Variants in SPATA24 observed in about 807,000 individuals in gnomAD.
The protein encoded by SPATA24 is spermatogenesis-associated protein 24.
Under a neutral mutation model 28.9 loss-of-function variants are expected in SPATA24, and 21 were observed. That is an observed-to-expected ratio of 0.73 (90% CI 0.52 to 1.05). The LOEUF (loss-of-function observed/expected upper bound fraction) is 1.05. Ranked by LOEUF, SPATA24 falls within the 50% of genes least tolerant of loss-of-function variation. The probability of loss-of-function intolerance (pLI) is 0.00; values close to 1 mark genes in which losing one functional copy is unlikely to be tolerated. For missense variants in SPATA24, 215 were observed against 242.9 expected (o/e 0.88, Z 0.76); for synonymous variants, 76 against 89.9 (o/e 0.85, Z 0.88).
downstream of SPATA24, chr5:139,393,784 G>A (rs1252505856): frequency 3.9e-6 from 6 of 1,551,308 alleles, no homozygotes; most frequent in Admixed American, 2.0e-5. Context: ...CTCGGAGGAG[G>A]CTTCAGGGAA....
downstream of SPATA24, chr5:139,392,716 G>A (rs866071471): frequency 5.0e-6 from 7 of 1,399,766 alleles, no homozygotes; most frequent in African/African-American, 9.2e-5. The surrounding 1 kb of genome is among the most constrained non-coding windows in gnomAD (Gnocchi z 5.8). Flanking sequence ...CCCTACGGGG[G>A]AGCGCTGGGA....
At chr5:139,396,101 C>G (rs765899489), downstream of SPATA24, 6 of 894,442 alleles carry the variant, frequency 6.7e-6, no homozygotes, top group Non-Finnish European at 8.0e-6. Context: ...GGAGCAAGAG[C>G]ACTGCCCCCT....
At chr5:139,394,598 C>T, downstream of SPATA24, 2 of 1,531,790 alleles carry the variant, frequency 1.3e-6, no homozygotes, top group South Asian at 1.2e-5. Context: ...GAGCCACCAT[C>T]GGGGACCTGG....
downstream of SPATA24, chr5:139,396,261 C>T (rs1758703514): frequency 1.0e-6 from 1 of 985,410 alleles, no homozygotes. Context: ...TCCATCCCAT[C>T]CAGCCCTGCC....
chr5:139,402,453 G>C (rs530287134), intron 2 of SPATA24, among the ~76,000 whole-genome samples, 175 bp downstream of exon 2: 1 of 151,784 alleles, frequency 6.6e-6, no homozygotes, highest in African/African-American at 2.4e-5. Context: ...ATGTTGGCCA[G>C]GCTGGTCTCG....
chr5:139,402,854 T>C lies in SPATA24; in HGVS notation c.118-161A>G, dbSNP rs1758855145. On this transcript the variant is annotated intron_variant, in intron 1 of 5. Coordinates refer to ENST00000450845, the MANE Select transcript of SPATA24 (RefSeq NM_194296.2). The stretch of plus-strand genomic sequence containing the variant: ...TTCAGTTCCACAGATAAACTGAGAC[T>C]CAGCTCTAAGTGCTGCCCTCAAGGA... Among the ~76,000 whole-genome samples the C allele has an allele frequency of 2.6e-5, 4 of 152,156 alleles. No individual in the cohort carries two copies. The South Asian group carries it at 8.3e-4, about 31-fold the overall frequency.
At chr5:139,394,917 A>G (rs1404263110), downstream of SPATA24, 1 of 1,519,256 alleles carries the variant, frequency 6.6e-7, no homozygotes, top group Non-Finnish European at 8.8e-7. Context: ...CCCAGGGCCA[A>G]TTCGCTGGGC....
At position 139,403,989 on chromosome 5, in the gene SPATA24, G is replaced by A. The variant is rs1417329813; in HGVS notation, c.72C>T (p.Asp24=). 2 of 1,551,836 alleles carry A rather than the reference G, an allele frequency of 1.3e-6. No individual in the cohort carries two copies. The highest frequency in any genetic ancestry group is 1.7e-6 in the Non-Finnish European group (2 of 1,147,036). The part of the protein sequence containing the change: ...SVCLALDQLR[D]VIESQEELIH... ...TTAGTTCCTCCTGAGACTCAATCAC[G>A]TCCCGCAGTTGATCTAAAGCGAGAC... Residue 24 remains aspartate, a synonymous_variant, in exon 1 of 6, where the codon GAC becomes GAT. Coordinates refer to ENST00000450845, the MANE Select transcript of SPATA24 (RefSeq NM_194296.2).
At chr5:139,394,105 T>C (rs927249819), downstream of SPATA24, 15 of 1,548,192 alleles carry the variant, frequency 9.7e-6, no homozygotes, top group Non-Finnish European at 9.6e-6. Context: ...CGCAGGCTTG[T>C]CGCGCCGAAT....
At chr5:139,395,105 A>G (rs568608220), downstream of SPATA24, 50 of 1,386,724 alleles carry the variant, frequency 3.6e-5, no homozygotes, top group South Asian at 4.3e-4. Flanking sequence ...GCCGTGCACT[A>G]TCTCCCTCGC....
intron 1 of SPATA24, 60 bp downstream of exon 1, chr5:139,403,884 C>T: frequency 3.5e-6 from 5 of 1,413,898 alleles, no homozygotes; most frequent in East Asian, 2.5e-5. Context: ...AGGTTCTGGC[C>T]CCGCCCCCAC....
chr5:139,392,955 G>C, downstream of SPATA24: 1 of 1,508,766 alleles, frequency 6.6e-7, no homozygotes. The surrounding 1 kb of genome is among the most constrained non-coding windows in gnomAD (Gnocchi z 5.8). Context: ...TGGGCTGTGA[G>C]GCGTCCCGGG....
At chr5:139,401,422 C>T (rs1228422341) in intron 4 of SPATA24, 8 of 604,208 alleles carry the variant, frequency 1.3e-5, no homozygotes, top group Non-Finnish European at 1.8e-5. Context: ...TAGGACAGTG[C>T]TTGCCCTGTG....
downstream of SPATA24, chr5:139,394,446 C>A: frequency 7.2e-7 from 1 of 1,397,338 alleles, no homozygotes; most frequent in African/African-American, 1.5e-5. Flanking sequence ...GCCGGGGGCG[C>A]AGCTCGATCT....
downstream of SPATA24, chr5:139,394,981 T>C: frequency 6.6e-7 from 1 of 1,509,654 alleles, no homozygotes; most frequent in Non-Finnish European, 8.8e-7. Context: ...AGCCGTGTAG[T>C]AGGAGCCTGA....
chr5:139,396,467 G>A, downstream of SPATA24: 16 of 1,159,890 alleles, frequency 1.4e-5, no homozygotes, highest in Non-Finnish European at 1.7e-5. Flanking sequence ...TTGTGGTTCT[G>A]GAACCCACTG....
intron 4 of SPATA24, among the ~76,000 whole-genome samples, chr5:139,399,234 G>A (rs541072045): frequency 1.5e-4 from 22 of 149,564 alleles, no homozygotes; most frequent in Non-Finnish European, 3.0e-4. Context: ...GGAAGATGAC[G>A]TGAACCTGAG....
At chr5:139,401,873 T>C in intron 3 of SPATA24, 42 bp downstream of exon 3, 2 of 1,548,298 alleles carry the variant, frequency 1.3e-6, no homozygotes, top group South Asian at 2.4e-5. Flanking sequence ...AGCAAGCAGA[T>C]GCATCCCCCA....
At chr5:139,394,750 A>C, downstream of SPATA24, 2 of 1,533,678 alleles carry the variant, frequency 1.3e-6, no homozygotes, top group Admixed American at 2.0e-5. Context: ...GATGACTTCC[A>C]TCTCCCCCGA....
Sources: gnomAD v4.1 joint callset for allele counts (sites outside exome capture counted in the v4.1 genomes callset) on GRCh38, gnomAD v4.1.1 for gene constraint, Gnocchi (gnomAD v3.1) non-coding constraint, MANE v1.5 for transcripts, NCBI Gene and HGNC (gene_info 2026-07-23, HGNC 2026-07-21) for gene names.